The following HPSE2 variants were observed in gnomAD, a reference collection of about 807,000 sequenced individuals.
HPSE2 encodes the protein heparanase 2 (inactive), also known as inactive heparanase-2.
In HPSE2, 38 loss-of-function variants were observed where a neutral mutation model predicts 60.5. That is an observed-to-expected ratio of 0.63 (90% CI 0.48 to 0.82). The LOEUF is 0.82. Among genes scored for constraint, HPSE2 ranks in the 40% least tolerant of loss-of-function variants. The probability of loss-of-function intolerance (pLI) is 0.00; values close to 1 mark genes in which losing one functional copy is unlikely to be tolerated. For missense variants in HPSE2, 713 were observed against 740.4 expected (o/e 0.96, Z 0.43); for synonymous variants, 295 against 293.2 (o/e 1.01, Z -0.06).
At chr10:98,908,701 A>AG (rs1239530814) in intron 3 of HPSE2, among the ~76,000 whole-genome samples, 2 of 144,502 alleles carry the variant, frequency 1.4e-5, no homozygotes, top group Non-Finnish European at 1.6e-5. Context: ...AAAAAAAAAA[A>AG]AAAAAAAAGA....
At chr10:99,083,094 T>C (rs925666915) in intron 3 of HPSE2, among the ~76,000 whole-genome samples, 1 of 152,112 alleles carries the variant, frequency 6.6e-6, no homozygotes, top group Non-Finnish European at 1.5e-5. Flanking sequence ...AGACACTACA[T>C]AGAAATTCAA....
intron 3 of HPSE2, among the ~76,000 whole-genome samples, chr10:98,803,079 G>A (rs1211203638): frequency 2.0e-5 from 3 of 151,616 alleles, no homozygotes; most frequent in Non-Finnish European, 2.9e-5. Context: ...CAGTGATGGT[G>A]AGCATTTTTT....
At chr10:99,255,563 T>TACACAC in the HPSE2 span, among the ~76,000 whole-genome samples, 164 of 147,424 alleles carry the variant, frequency 1.1e-3, no homozygotes, top group East Asian at 2.6e-3. Flanking sequence ...CATGCACACA[T>TACACAC]ACACACACAC....
chr10:99,236,596 A>G (rs1402297946), upstream of HPSE2, among the ~76,000 whole-genome samples: 1 of 152,124 alleles, frequency 6.6e-6, no homozygotes, highest in African/African-American at 2.4e-5. Context: ...GACGCGTTGG[A>G]TAGCCACACC....
chr10:98,850,300 A>G (rs973021624), intron 3 of HPSE2, among the ~76,000 whole-genome samples: 2 of 152,318 alleles, frequency 1.3e-5, no homozygotes, highest in Admixed American at 1.3e-4. Flanking sequence ...AAGTTCTTAC[A>G]TAATTGAGAA....
intron 3 of HPSE2, among the ~76,000 whole-genome samples, chr10:99,132,241 G>GAAAGAAAAAA (rs58521993): frequency 3.5e-5 from 1 of 28,948 alleles, no homozygotes; most frequent in African/African-American, 1.1e-4. Flanking sequence ...GAGAGAGAGA[G>GAAAGAAAAAA]AGAAAGAAAG....
At chr10:99,270,774 A>G in the HPSE2 span, among the ~76,000 whole-genome samples, 1 of 152,244 alleles carries the variant, frequency 6.6e-6, no homozygotes, top group Non-Finnish European at 1.5e-5. Context: ...GTGTATCAAA[A>G]AGATAATCCA....
At chr10:98,474,863 G>C (rs1404660941) in intron 11 of HPSE2, among the ~76,000 whole-genome samples, 1 of 152,140 alleles carries the variant, frequency 6.6e-6, no homozygotes, top group African/African-American at 2.4e-5. Context: ...TCTAGTGACA[G>C]AGATGAGCTC....
intron 2 of HPSE2, among the ~76,000 whole-genome samples, chr10:99,174,915 G>A (rs1055400670): frequency 7.2e-5 from 11 of 152,178 alleles, no homozygotes; most frequent in South Asian, 6.2e-4. Context: ...CGAGGTATCC[G>A]GTTCATCTCA....
At chr10:98,548,125 A>T (rs1943749556) in intron 9 of HPSE2, among the ~76,000 whole-genome samples, 1 of 152,228 alleles carries the variant, frequency 6.6e-6, no homozygotes, top group Non-Finnish European at 1.5e-5. Context: ...TAACATAATG[A>T]TAGTCGTATA....
intron 9 of HPSE2, among the ~76,000 whole-genome samples, chr10:98,566,976 T>C (rs1053323695): frequency 6.6e-6 from 1 of 152,242 alleles, no homozygotes; most frequent in Non-Finnish European, 1.5e-5. Flanking sequence ...TAGTGAGTTC[T>C]ACATGGCTAA....
At chr10:98,473,514 A>G (rs1447573704) in intron 11 of HPSE2, among the ~76,000 whole-genome samples, 1 of 125,858 alleles carries the variant, frequency 7.9e-6, no homozygotes, top group Non-Finnish European at 1.6e-5. Context: ...AGAAGGCAGA[A>G]AAAGAGAAAG....
At chr10:98,728,517 T>C (rs886467427) in intron 4 of HPSE2, among the ~76,000 whole-genome samples, 1 of 151,850 alleles carries the variant, frequency 6.6e-6, no homozygotes, top group South Asian at 2.1e-4. Context: ...ACTCAGGATG[T>C]TGAGGCAGGA....
rs17111002 is a variant in HPSE2, at chr10:98,945,579, T to C, written c.610+198659A>G. ...TGCTACCTAGAAAGACAGAAAATAC[T>C]TGCTATATAATATTAAAAGCAGAAT... On this transcript the variant is annotated intron_variant, in intron 3 of 11. Coordinates refer to ENST00000370552, the MANE Select transcript of HPSE2 (RefSeq NM_021828.5). Among the ~76,000 whole-genome samples, 1,077 of 152,266 alleles carry C rather than the reference T, an allele frequency of 7.1e-3. 9 individuals are homozygous for C. Among genetic ancestry groups the C allele is most frequent in the African/African-American group, 0.024 (1,012 of 41,546 alleles).
At chr10:98,970,787 A>G (rs969941179) in intron 3 of HPSE2, among the ~76,000 whole-genome samples, 2 of 152,206 alleles carry the variant, frequency 1.3e-5, no homozygotes, top group African/African-American at 4.8e-5. Flanking sequence ...ACAACATGCC[A>G]CATTTGTAAA....
chr10:99,013,476 T>C, intron 3 of HPSE2: 1 of 396,570 alleles, frequency 2.5e-6, no homozygotes. Context: ...TGATTATGAT[T>C]ATTATTATTA....
intron 3 of HPSE2, among the ~76,000 whole-genome samples, chr10:99,080,867 A>T (rs1229620621): frequency 6.6e-6 from 1 of 152,154 alleles, no homozygotes; most frequent in East Asian, 1.9e-4. Flanking sequence ...TTACAGACAC[A>T]TGTTGGTTCA....
chr10:98,570,551 CT>C (rs1039448562), intron 9 of HPSE2, among the ~76,000 whole-genome samples: 1 of 151,216 alleles, frequency 6.6e-6, no homozygotes, highest in African/African-American at 2.4e-5. Flanking sequence ...TATTTTTTCC[CT>C]TTTTTTGACC....
chr10:98,874,604 C>A (rs368344232), intron 3 of HPSE2, among the ~76,000 whole-genome samples: 3 of 151,996 alleles, frequency 2.0e-5, no homozygotes, highest in East Asian at 3.9e-4. Context: ...CTCTTTATTT[C>A]TTTCTTTTGC....
Sources: gnomAD v4.1 joint callset for allele counts (sites outside exome capture counted in the v4.1 genomes callset) on GRCh38, gnomAD v4.1.1 for gene constraint, MANE v1.5 for transcripts, NCBI Gene and HGNC (gene_info 2026-07-23, HGNC 2026-07-21) for gene names.